GPHN: variants seen among roughly 807,000 people sequenced by gnomAD.
GPHN encodes gephyrin.
GPHN carries 17 observed loss-of-function variants against 95.5 expected under a neutral mutation model. The ratio of observed to expected loss-of-function variants is 0.18; its 90% confidence interval spans 0.12 to 0.27. GPHN has a LOEUF of 0.27. Ranked by LOEUF, GPHN falls within the 10% of genes least tolerant of loss-of-function variation. The pLI, the probability that GPHN is intolerant of heterozygous loss-of-function variation, is 1.00. For synonymous variants in GPHN, 320 were observed against 322.5 expected (o/e 0.99, Z 0.08); for missense variants, 660 against 978.1 (o/e 0.67, Z 4.34).
intron 11 of GPHN, among the ~76,000 whole-genome samples, chr14:67,088,101 A>G (rs1161952378): frequency 6.6e-6 from 1 of 152,180 alleles, no homozygotes; most frequent in African/African-American, 2.4e-5. Flanking sequence ...TATTTCAATT[A>G]ATGAAGCCAA....
At chr14:66,817,051 A>G (rs773029483) in intron 3 of GPHN, among the ~76,000 whole-genome samples, 3 of 152,146 alleles carry the variant, frequency 2.0e-5, no homozygotes, top group Non-Finnish European at 4.4e-5. Flanking sequence ...TTATAAATAC[A>G]TGTAGTATTT....
At chr14:67,242,213 T>C in the GPHN span, among the ~76,000 whole-genome samples, 4 of 152,212 alleles carry the variant, frequency 2.6e-5, no homozygotes, top group African/African-American at 9.6e-5. Context: ...CTTCTGTTGA[T>C]TGACATACAG....
the GPHN span, chr14:67,724,646 C>A: frequency 7.7e-7 from 1 of 1,301,718 alleles, no homozygotes; most frequent in Non-Finnish European, 1.1e-6. Flanking sequence ...CTTCTTCCCA[C>A]TGGGGCCTCT....
At chr14:67,303,657 T>A in the GPHN span, 11 of 1,139,236 alleles carry the variant, frequency 9.7e-6, no homozygotes, top group African/African-American at 1.5e-5. Flanking sequence ...TTACTTCTGT[T>A]ACTGTTTACT....
At chr14:67,436,180 G>A in the GPHN span, among the ~76,000 whole-genome samples, 2 of 152,188 alleles carry the variant, frequency 1.3e-5, no homozygotes, top group African/African-American at 2.4e-5. Flanking sequence ...GAATGTCACA[G>A]GATACTACTG....
chr14:67,101,362 T>C (rs2077689094), intron 13 of GPHN, among the ~76,000 whole-genome samples: 1 of 152,132 alleles, frequency 6.6e-6, no homozygotes, highest in South Asian at 2.1e-4. Context: ...TTACATATAT[T>C]TTTATTAAGA....
At chr14:67,446,533 G>T in the GPHN span, among the ~76,000 whole-genome samples, 914 of 152,264 alleles carry the variant, frequency 6.0e-3, 9 homozygotes, top group African/African-American at 0.021. Flanking sequence ...AGTTAGAAGG[G>T]TGTCCTGCCA....
At chr14:67,579,502 G>T in the GPHN span, 1 of 646,780 alleles carries the variant, frequency 1.5e-6, no homozygotes, top group Non-Finnish European at 2.6e-6. Context: ...AAAGATTGTT[G>T]GTAAAGGAGG....
At chr14:67,700,700 G>T in the GPHN span, among the ~76,000 whole-genome samples, 5 of 115,806 alleles carry the variant, frequency 4.3e-5, no homozygotes, top group African/African-American at 1.8e-4. Flanking sequence ...GGGTGACACA[G>T]CAAGACTCCA....
chr14:67,187,173 C>T, the GPHN span, among the ~76,000 whole-genome samples: 4 of 152,108 alleles, frequency 2.6e-5, no homozygotes, highest in Non-Finnish European at 5.9e-5. Flanking sequence ...ATACATGACA[C>T]ATATTCTAAA....
At chr14:66,966,864 T>C (rs2153588506) in intron 9 of GPHN, among the ~76,000 whole-genome samples, 1 of 152,090 alleles carries the variant, frequency 6.6e-6, no homozygotes, top group South Asian at 2.1e-4. Flanking sequence ...AGTATTTTTA[T>C]AACTTTGTAA....
chr14:66,796,686 G>C (rs896907440), intron 3 of GPHN, among the ~76,000 whole-genome samples: 4 of 151,606 alleles, frequency 2.6e-5, no homozygotes, highest in Non-Finnish European at 4.4e-5. Flanking sequence ...TTTTTTTCCT[G>C]TACAGTTGTT....
intron 13 of GPHN, among the ~76,000 whole-genome samples, chr14:67,108,534 CT>C (rs1254413605): frequency 6.6e-6 from 1 of 152,050 alleles, no homozygotes; most frequent in Non-Finnish European, 1.5e-5. Context: ...ATATAATGCA[CT>C]TAACATTGTA....
chr14:67,249,902 A>G, the GPHN span, among the ~76,000 whole-genome samples: 1 of 152,200 alleles, frequency 6.6e-6, no homozygotes, highest in Non-Finnish European at 1.5e-5. Flanking sequence ...GTAGTGAGCT[A>G]GGTGCTCTGC....
chr14:67,422,627 C>G, the GPHN span, among the ~76,000 whole-genome samples: 1 of 152,184 alleles, frequency 6.6e-6, no homozygotes, highest in Admixed American at 6.5e-5. Context: ...ATTTGTGCAT[C>G]CCAGTTCACC....
the GPHN span, among the ~76,000 whole-genome samples, chr14:67,549,266 ATTT>A: frequency 7.3e-3 from 1,090 of 149,568 alleles, 13 homozygotes; most frequent in African/African-American, 0.025. Context: ...TGTAAAAGAG[ATTT>A]TTAATTTTTT....
chr14:66,828,124 G>T (rs999083066), intron 4 of GPHN, among the ~76,000 whole-genome samples: 13 of 151,502 alleles, frequency 8.6e-5, no homozygotes, highest in Admixed American at 6.6e-4. Context: ...TCTTTAATAG[G>T]TTCACTTCAT....
At chr14:67,241,313 C>G in the GPHN span, 1 of 152,802 alleles carries the variant, frequency 6.5e-6, no homozygotes, top group Non-Finnish European at 1.5e-5. Context: ...AGGGGCCGGT[C>G]TCGCGCGGTC....
intron 3 of GPHN, among the ~76,000 whole-genome samples, chr14:66,809,289 A>G (rs2060669191): frequency 6.6e-6 from 1 of 152,172 alleles, no homozygotes. Context: ...CACAGTGGTT[A>G]ATAAAACAGG....
Sources: gnomAD v4.1 joint callset for allele counts (sites outside exome capture counted in the v4.1 genomes callset) on GRCh38, gnomAD v4.1.1 for gene constraint, MANE v1.5 for transcripts, NCBI Gene and HGNC (gene_info 2026-07-23, HGNC 2026-07-21) for gene names.